The following NRK variants were observed in gnomAD, a reference collection of about 807,000 sequenced individuals.
NRK encodes Nik related kinase, also known as nik-related protein kinase.
In NRK, 67 loss-of-function variants were observed where a neutral mutation model predicts 125.2. That is an observed-to-expected ratio of 0.54 (90% CI 0.44 to 0.66). The LOEUF (loss-of-function observed/expected upper bound fraction) is 0.66, where lower values mean the gene tolerates loss of function less well. Ranked by LOEUF, NRK falls within the 30% of genes least tolerant of loss-of-function variation. NRK has a pLI of 0.00. For synonymous variants in NRK, 458 were observed against 429.0 expected (o/e 1.07, Z -0.84); for missense variants, 1,224 against 1,192.9 (o/e 1.03, Z -0.38).
At chrX:105,888,448 C>G in intron 5 of NRK, 29 bp downstream of exon 5, 1 of 1,121,018 alleles carries the variant, frequency 8.9e-7, no homozygotes, top group South Asian at 2.1e-5. Context: ...TGTTCTTATT[C>G]TATAAGAATA....
intron 19 of NRK, among the ~76,000 whole-genome samples, chrX:105,926,542 G>A (rs766236678): frequency 9.0e-6 from 1 of 110,935 alleles, no homozygotes; most frequent in South Asian, 3.8e-4. Context: ...TGCTTTTGTT[G>A]CCTGTGCTTT....
intron 10 of NRK, 80 bp downstream of exon 10, chrX:105,905,423 C>A: frequency 2.8e-6 from 2 of 701,936 alleles, no homozygotes; most frequent in South Asian, 2.3e-5. Context: ...TTCATTTGGT[C>A]AGTCCTGCTG....
intron 14 of NRK, among the ~76,000 whole-genome samples, chrX:105,915,204 CTT>C (rs1364913071): frequency 1.8e-5 from 2 of 110,486 alleles, no homozygotes; most frequent in Admixed American, 9.7e-5. Context: ...AGATGGGACA[CTT>C]TTGACTAGAG....
At chrX:105,879,287 G>A (rs921812717) in intron 2 of NRK, among the ~76,000 whole-genome samples, 2 of 110,503 alleles carry the variant, frequency 1.8e-5, no homozygotes, top group Admixed American at 9.7e-5. Context: ...CTCAATTTTC[G>A]AGGGGACACT....
At chrX:105,955,065 A>G (rs1466344377) in intron 28 of NRK, among the ~76,000 whole-genome samples, 1 of 111,725 alleles carries the variant, frequency 9.0e-6, no homozygotes, top group Non-Finnish European at 1.9e-5. Context: ...AAAAAAAAAG[A>G]AAATTGTACC....
intron 2 of NRK, among the ~76,000 whole-genome samples, chrX:105,848,853 G>T (rs771527196): frequency 2.7e-5 from 3 of 112,341 alleles, no homozygotes; most frequent in East Asian, 5.6e-4. Flanking sequence ...ATATGTTAAT[G>T]ATTTATTAGT....
intron 19 of NRK, among the ~76,000 whole-genome samples, chrX:105,928,896 C>T (rs2040558671): frequency 9.0e-6 from 1 of 111,409 alleles, no homozygotes; most frequent in South Asian, 3.7e-4. Flanking sequence ...TGTTTTGTGT[C>T]CCAACATATG....
rs190246079 is a variant in NRK, at chrX:105,903,941, T to A, written c.767-1324T>A. Among the ~76,000 whole-genome samples, 270 of 112,277 alleles carry A rather than the reference T, an allele frequency of 2.4e-3. 2 individuals are homozygous for A. The highest frequency in any genetic ancestry group is 8.5e-3 in the African/African-American group (264 of 30,957). ...CCTGATACTTTGTACTTGGAGCTAA[T>A]TCTGCCTTCAGTTATAAAAATGCAT... On this transcript the variant is annotated intron_variant, in intron 9 of 28. Coordinates refer to ENST00000243300, the MANE Select transcript of NRK (RefSeq NM_198465.4).
chrX:105,911,824 G>A (rs184462306), intron 13 of NRK, among the ~76,000 whole-genome samples: 11 of 111,788 alleles, frequency 9.8e-5, no homozygotes, highest in African/African-American at 3.6e-4. Flanking sequence ...AAGATTCAGT[G>A]ATACCAGCAT....
At chrX:105,928,942 A>T (rs2040559321) in intron 19 of NRK, among the ~76,000 whole-genome samples, 1 of 111,821 alleles carries the variant, frequency 8.9e-6, no homozygotes, top group African/African-American at 3.2e-5. Flanking sequence ...GCTGATGAAA[A>T]TAATGCATAT....
intron 2 of NRK, among the ~76,000 whole-genome samples, chrX:105,873,912 G>A (rs956075066): frequency 2.2e-4 from 25 of 111,722 alleles, no homozygotes; most frequent in African/African-American, 7.8e-4. Context: ...GAGATACCAA[G>A]GTAAAATAAA....
intron 9 of NRK, among the ~76,000 whole-genome samples, chrX:105,903,014 C>T (rs762013443): frequency 3.6e-5 from 4 of 111,243 alleles, no homozygotes; most frequent in East Asian, 2.8e-4. Context: ...TCAAACAATA[C>T]GGGGACCTTT....
intron 19 of NRK, among the ~76,000 whole-genome samples, chrX:105,931,752 G>A (rs2040597853): frequency 9.0e-6 from 1 of 111,251 alleles, no homozygotes; most frequent in African/African-American, 3.3e-5. Context: ...TTTTTTGTGA[G>A]GGGGACAAGC....
chrX:105,844,128 A>G (rs1314871795), intron 2 of NRK, among the ~76,000 whole-genome samples: 1 of 109,048 alleles, frequency 9.2e-6, no homozygotes, highest in East Asian at 2.9e-4. Context: ...GTTAGTCACC[A>G]TATGTATATG....
chrX:105,841,461 C>T lies in NRK; in HGVS notation c.123+10342C>T, dbSNP rs745700962. Among the ~76,000 whole-genome samples the T allele has an allele frequency of 6.3e-5, 7 of 111,531 alleles. No individual in the cohort carries two copies. The South Asian group carries it at 1.5e-3, about 24-fold the overall frequency. ...TTCAATTGTAGAAATTATGATATGA[C>T]GGTAGTTTATGTGTAATTTGTGTTA... On this transcript the variant is annotated intron_variant, in intron 2 of 28. Coordinates refer to ENST00000243300, the MANE Select transcript of NRK (RefSeq NM_198465.4).
intron 2 of NRK, among the ~76,000 whole-genome samples, chrX:105,865,607 C>T (rs1357202226): frequency 9.0e-6 from 1 of 111,197 alleles, no homozygotes; most frequent in East Asian, 2.8e-4. Flanking sequence ...ACACAAGTGG[C>T]AAAGGCTGCT....
At chrX:105,827,937 G>A in intron 1 of NRK, among the ~76,000 whole-genome samples, 1 of 111,434 alleles carries the variant, frequency 9.0e-6, no homozygotes, top group Non-Finnish European at 1.9e-5. Context: ...CAGAGGAAAG[G>A]ACCAAATAAT....
intron 2 of NRK, among the ~76,000 whole-genome samples, chrX:105,848,530 G>A (rs2039430311): frequency 8.9e-6 from 1 of 111,968 alleles, no homozygotes; most frequent in Non-Finnish European, 1.9e-5. Flanking sequence ...TGATTCAGAT[G>A]TACCTACAGA....
At chrX:105,843,729 G>A (rs1337376773) in intron 2 of NRK, among the ~76,000 whole-genome samples, 1 of 111,308 alleles carries the variant, frequency 9.0e-6, no homozygotes, top group East Asian at 2.8e-4. Flanking sequence ...ATACCATCAG[G>A]AAGATGTCTA....
Sources: allele counts gnomAD v4.1 joint callset (sites outside exome capture counted in the v4.1 genomes callset), GRCh38; gene constraint gnomAD v4.1.1; transcripts MANE v1.5; gene names NCBI Gene and HGNC (gene_info 2026-07-23, HGNC 2026-07-21).